The following ATOSA variants were observed in gnomAD, a reference collection of about 807,000 sequenced individuals.
The protein encoded by ATOSA is atos homolog protein A.
the ATOSA span, among the ~76,000 whole-genome samples, chr15:52,654,575 C>G: frequency 1.3e-5 from 2 of 152,166 alleles, no homozygotes; most frequent in Non-Finnish European, 2.9e-5. Context: ...CCTTCCCCTG[C>G]TCCTCCGGAA....
At chr15:52,591,265 T>C in the ATOSA span, among the ~76,000 whole-genome samples, 1 of 152,178 alleles carries the variant, frequency 6.6e-6, no homozygotes, top group African/African-American at 2.4e-5. Context: ...AGTTTTGCTC[T>C]TGTCGCCCAG....
chr15:52,645,205 G>A, the ATOSA span, among the ~76,000 whole-genome samples: 111 of 152,326 alleles, frequency 7.3e-4, no homozygotes, highest in Middle Eastern at 3.4e-3. Context: ...CTGGGAGGCC[G>A]AGGCAGGCAC....
At chr15:52,651,808 A>C in the ATOSA span, 2 of 1,488,978 alleles carry the variant, frequency 1.3e-6, no homozygotes, top group Non-Finnish European at 1.8e-6. Context: ...GCCAACTGGT[A>C]AACAGCTACA....
At chr15:52,679,532 A>G in the ATOSA span, among the ~76,000 whole-genome samples, 1 of 152,140 alleles carries the variant, frequency 6.6e-6, no homozygotes, top group African/African-American at 2.4e-5. Context: ...TTTTCGGTGC[A>G]GGTGCCCGGC....
the ATOSA span, chr15:52,581,405 T>C: frequency 6.6e-6 from 1 of 152,226 alleles, no homozygotes; most frequent in Non-Finnish European, 1.5e-5. Context: ...GAAAATTATC[T>C]AGCATACGAC....
the ATOSA span, among the ~76,000 whole-genome samples, chr15:52,634,391 G>A: frequency 2.2e-4 from 34 of 152,078 alleles, no homozygotes; most frequent in African/African-American, 8.2e-4. Flanking sequence ...GTGACAAAGC[G>A]AGGAAAAAAG....
chr15:52,709,066 G>A, the ATOSA span, among the ~76,000 whole-genome samples: 8 of 152,026 alleles, frequency 5.3e-5, no homozygotes, highest in African/African-American at 1.7e-4. Context: ...GCAAGTCTTC[G>A]TGTTAAAAAA....
the ATOSA span, among the ~76,000 whole-genome samples, chr15:52,626,015 G>A: frequency 6.6e-6 from 1 of 152,226 alleles, no homozygotes; most frequent in African/African-American, 2.4e-5. Context: ...CAGGGACTGA[G>A]TTATTATCTA....
the ATOSA span, among the ~76,000 whole-genome samples, chr15:52,686,827 C>G: frequency 6.6e-6 from 1 of 152,334 alleles, no homozygotes; most frequent in Admixed American, 6.5e-5. Flanking sequence ...AAGGCATGCT[C>G]TACTGTGCCT....
chr15:52,668,746 T>C, the ATOSA span, among the ~76,000 whole-genome samples: 1 of 152,014 alleles, frequency 6.6e-6, no homozygotes, highest in Non-Finnish European at 1.5e-5. Context: ...GCATTAAAAA[T>C]AGAAAAAAAC....
chr15:52,690,035 G>C, the ATOSA span, among the ~76,000 whole-genome samples: 1 of 152,082 alleles, frequency 6.6e-6, no homozygotes, highest in Non-Finnish European at 1.5e-5. Flanking sequence ...TTCTTTTTAA[G>C]GCTCCATGAA....
chr15:52,660,587 A>G, the ATOSA span, among the ~76,000 whole-genome samples: 1 of 152,246 alleles, frequency 6.6e-6, no homozygotes, highest in Non-Finnish European at 1.5e-5. Context: ...CGCACTGAAG[A>G]AATGCTAATT....
chr15:52,626,476 T>A, the ATOSA span, among the ~76,000 whole-genome samples: 1 of 148,518 alleles, frequency 6.7e-6, no homozygotes, highest in African/African-American at 2.5e-5. Flanking sequence ...TTGATCCCTT[T>A]ATCATCAAAG....
chr15:52,625,981 G>T, the ATOSA span, among the ~76,000 whole-genome samples: 1 of 152,186 alleles, frequency 6.6e-6, no homozygotes, highest in Non-Finnish European at 1.5e-5. Context: ...GGGGATAATA[G>T]TATCAACTTT....
chr15:52,647,910 C>T, the ATOSA span, among the ~76,000 whole-genome samples: 1 of 152,086 alleles, frequency 6.6e-6, no homozygotes, highest in Admixed American at 6.6e-5. Context: ...GATATTTAGC[C>T]ATGCACTTAC....
At chr15:52,664,893 A>G in the ATOSA span, among the ~76,000 whole-genome samples, 1 of 149,374 alleles carries the variant, frequency 6.7e-6, no homozygotes, top group Non-Finnish European at 1.5e-5. Flanking sequence ...ACCTATGATC[A>G]TGCCACTGCA....
At chr15:52,597,679 G>C in the ATOSA span, among the ~76,000 whole-genome samples, 3 of 152,300 alleles carry the variant, frequency 2.0e-5, no homozygotes, top group East Asian at 5.8e-4. Context: ...GAAAATCACA[G>C]GACAGATGAA....
the ATOSA span, among the ~76,000 whole-genome samples, chr15:52,666,541 G>T: frequency 6.6e-6 from 1 of 152,080 alleles, no homozygotes; most frequent in Non-Finnish European, 1.5e-5. Flanking sequence ...CCATTTAGAA[G>T]CAAAAAACTT....
At chr15:52,687,436 G>T in the ATOSA span, among the ~76,000 whole-genome samples, 1 of 152,090 alleles carries the variant, frequency 6.6e-6, no homozygotes, top group South Asian at 2.1e-4. Flanking sequence ...ATTGCAATTT[G>T]GTTTGATAAC....
Sources: gnomAD v4.1 joint callset for allele counts (sites outside exome capture counted in the v4.1 genomes callset) on GRCh38, gnomAD v4.1.1 for gene constraint, MANE v1.5 for transcripts, NCBI Gene and HGNC (gene_info 2026-07-23, HGNC 2026-07-21) for gene names.